Variants in SPAG16 observed in about 807,000 individuals in gnomAD.
The protein encoded by SPAG16 is sperm-associated antigen 16 protein.
SPAG16 carries 86 observed loss-of-function variants against 80.4 expected under a neutral mutation model. The observed-to-expected ratio is 1.07, with a 90% CI of 0.90 to 1.28. SPAG16 has a LOEUF of 1.28. SPAG16 is among the 50% of genes most tolerant of loss of function. SPAG16 has a pLI of 0.00. For synonymous variants in SPAG16, 294 were observed against 265.9 expected (o/e 1.11, Z -1.03); for missense variants, 870 against 765.3 (o/e 1.14, Z -1.61).
chr2:213,351,951 A>T (rs1282867287), intron 7 of SPAG16, among the ~76,000 whole-genome samples: 1 of 152,118 alleles, frequency 6.6e-6, no homozygotes, highest in Non-Finnish European at 1.5e-5. Flanking sequence ...GGTGGAGGTA[A>T]CTGAATCATG....
intron 15 of SPAG16, among the ~76,000 whole-genome samples, chr2:214,383,856 G>T (rs1263075108): frequency 6.6e-6 from 1 of 152,162 alleles, no homozygotes; most frequent in Non-Finnish European, 1.5e-5. Flanking sequence ...ATACATTATT[G>T]TTCAGAAAAA....
At chr2:214,025,731 T>G (rs558996148) in intron 13 of SPAG16, among the ~76,000 whole-genome samples, 2 of 151,712 alleles carry the variant, frequency 1.3e-5, no homozygotes, top group South Asian at 4.1e-4. Flanking sequence ...TAACCATTGA[T>G]GCACCATATA....
chr2:213,393,226 A>G (rs149256086), intron 9 of SPAG16, among the ~76,000 whole-genome samples: 6 of 152,134 alleles, frequency 3.9e-5, no homozygotes, highest in African/African-American at 1.4e-4. Context: ...GATTTACAAC[A>G]TTTTGAAAAC....
intron 11 of SPAG16, among the ~76,000 whole-genome samples, chr2:213,896,586 A>ACACGCG (rs751645886): frequency 1.2e-5 from 1 of 84,612 alleles, no homozygotes; most frequent in Non-Finnish European, 2.7e-5. Context: ...ATATACACAC[A>ACACGCG]CACACGCACA....
intron 10 of SPAG16, among the ~76,000 whole-genome samples, chr2:213,503,590 G>A (rs1395317069): frequency 6.6e-6 from 1 of 152,104 alleles, no homozygotes; most frequent in African/African-American, 2.4e-5. Context: ...ACCCACTTGT[G>A]CTCATAAGGA....
intron 13 of SPAG16, among the ~76,000 whole-genome samples, chr2:214,031,235 G>A (rs985358596): frequency 6.4e-4 from 97 of 151,534 alleles, no homozygotes; most frequent in African/African-American, 2.1e-3. Flanking sequence ...TGGCACATAT[G>A]CACCATGGAA....
chr2:213,338,128 T>C (rs1471770032), intron 5 of SPAG16, among the ~76,000 whole-genome samples: 1 of 152,006 alleles, frequency 6.6e-6, no homozygotes, highest in African/African-American at 2.4e-5. Flanking sequence ...GCTTCATAAG[T>C]GAAGGAGAAA....
intron 15 of SPAG16, among the ~76,000 whole-genome samples, chr2:214,150,978 C>T (rs1017347860): frequency 1.3e-5 from 2 of 151,966 alleles, no homozygotes; most frequent in South Asian, 2.1e-4. Context: ...GCATAAGAAT[C>T]AGCAGTAGAA....
chr2:214,351,916 G>T (rs1428993384), intron 15 of SPAG16, among the ~76,000 whole-genome samples: 1 of 152,162 alleles, frequency 6.6e-6, no homozygotes, highest in Non-Finnish European at 1.5e-5. Flanking sequence ...ACCATACACT[G>T]TGTAGCTTAT....
At chr2:214,093,529 TTG>T (rs10609015) in intron 13 of SPAG16, among the ~76,000 whole-genome samples, 23,696 of 151,892 alleles carry the variant, frequency 0.16, 2,018 homozygotes, top group African/African-American at 0.19. Context: ...TATGTGTATG[TTG>T]TGTGTCCATG....
chr2:213,629,812 C>T (rs2062079422), intron 10 of SPAG16, among the ~76,000 whole-genome samples: 1 of 152,186 alleles, frequency 6.6e-6, no homozygotes, highest in Non-Finnish European at 1.5e-5. Context: ...ATTTCTCCTT[C>T]AGCCTCGCTG....
At chr2:213,838,088 G>A (rs2372257) in intron 10 of SPAG16, among the ~76,000 whole-genome samples, 36,583 of 151,538 alleles carry the variant, frequency 0.24, 5,062 homozygotes, top group South Asian at 0.38. Flanking sequence ...GCATTTCTAG[G>A]CATCATATTC....
chr2:213,686,554 C>A (rs181447055), intron 10 of SPAG16, among the ~76,000 whole-genome samples: 1 of 152,062 alleles, frequency 6.6e-6, no homozygotes, highest in Non-Finnish European at 1.5e-5. Context: ...GAGTTCCCTG[C>A]AGACAGCAAA....
intron 10 of SPAG16, among the ~76,000 whole-genome samples, chr2:213,653,136 T>C (rs751044096): frequency 1.3e-5 from 2 of 152,164 alleles, no homozygotes; most frequent in African/African-American, 4.8e-5. Context: ...AGCTCCGGGA[T>C]ATGGATAGGT....
intron 10 of SPAG16, among the ~76,000 whole-genome samples, chr2:213,822,679 A>G (rs903088430): frequency 1.3e-5 from 2 of 152,160 alleles, no homozygotes; most frequent in Non-Finnish European, 2.9e-5. Context: ...CACGTGTGCC[A>G]TGGTGGTTTG....
At chr2:213,629,995 T>G (rs2062087808) in intron 10 of SPAG16, among the ~76,000 whole-genome samples, 1 of 152,228 alleles carries the variant, frequency 6.6e-6, no homozygotes, top group African/African-American at 2.4e-5. Context: ...TGTCACTATT[T>G]TCTCATTTGC....
chr2:213,528,146 G>A (rs908894581), intron 10 of SPAG16, among the ~76,000 whole-genome samples: 4 of 152,072 alleles, frequency 2.6e-5, no homozygotes, highest in Admixed American at 6.6e-5. Flanking sequence ...TTCAACGGGC[G>A]CCCATCAGAA....
intron 15 of SPAG16, among the ~76,000 whole-genome samples, chr2:214,397,686 T>A (rs1279917458): frequency 6.6e-6 from 1 of 152,206 alleles, no homozygotes; most frequent in Non-Finnish European, 1.5e-5. Flanking sequence ...TTTATTTGCA[T>A]AAGAGTCTTT....
chr2:214,292,634 C>A (rs1157562010), intron 15 of SPAG16, among the ~76,000 whole-genome samples: 2 of 151,960 alleles, frequency 1.3e-5, no homozygotes, highest in Non-Finnish European at 2.9e-5. Flanking sequence ...TTTTGAATTA[C>A]TTTTCTGGGA....
Sources: gnomAD v4.1 joint callset for allele counts (sites outside exome capture counted in the v4.1 genomes callset) on GRCh38, gnomAD v4.1.1 for gene constraint, MANE v1.5 for transcripts, NCBI Gene and HGNC (gene_info 2026-07-23, HGNC 2026-07-21) for gene names.